Variants in SNX6 observed in about 807,000 individuals in gnomAD.
SNX6 encodes sorting nexin 6.
In SNX6, 34 loss-of-function variants were observed where a neutral mutation model predicts 63.0. That is an observed-to-expected ratio of 0.54 (90% CI 0.41 to 0.72). The LOEUF (loss-of-function observed/expected upper bound fraction) is 0.72. SNX6 is among the 30% of genes least tolerant of loss of function. SNX6 has a pLI of 0.00. For synonymous variants in SNX6, 170 were observed against 164.2 expected (o/e 1.04, Z -0.27); for missense variants, 398 against 471.4 (o/e 0.84, Z 1.44).
chr14:34,563,760 ATGGAGTATCACTCTGTTGCCCAGAC>A (rs1484498393), intron 13 of SNX6, among the ~76,000 whole-genome samples: 1 of 149,878 alleles, frequency 6.7e-6, no homozygotes, highest in African/African-American at 2.5e-5. Context: ...TTTTTCTGAG[ATGGAGTATCACTCTGTTGCCCAGAC>A]TGGAGTGCAA....
intron 1 of SNX6, 64 bp downstream of exon 1, chr14:34,630,047 C>T (rs1005794134): frequency 8.1e-5 from 117 of 1,438,564 alleles, no homozygotes; most frequent in Non-Finnish European, 1.0e-4. Flanking sequence ...GCGGTCCCCG[C>T]GCCCGCCCCG....
rs1348057271 is a variant in SNX6, at chr14:34,593,052, G to A, written c.711C>T (p.Ser237=). ...GCCACAGAAAAATCTTACTTTTGTGGGATCTTGTCATTCTATCAGATTTAG... is the reference window on the plus strand; with the variant it reads ...GCCACAGAAAAATCTTACTTTTGTGAGATCTTGTCATTCTATCAGATTTAG... ...ASAKSDRMTR[S]HKSAADDYNR... is the part of the protein sequence containing the mutation. The change falls in exon 8 of 14, where the codon TCC becomes TCT. Residue 237 remains serine (S), a synonymous_variant. Transcript: ENST00000362031. The A allele has an allele frequency of 3.8e-6, 6 of 1,587,576 alleles. No homozygotes were observed. The highest frequency in any genetic ancestry group is 5.1e-6 in the Non-Finnish European group (6 of 1,166,806).
chr14:34,574,122 G>C (rs1881579459), intron 11 of SNX6, among the ~76,000 whole-genome samples: 1 of 151,424 alleles, frequency 6.6e-6, no homozygotes, highest in African/African-American at 2.4e-5. Context: ...GGGATCACGG[G>C]GTCAGGAGTT....
intron 2 of SNX6, among the ~76,000 whole-genome samples, chr14:34,625,264 C>T (rs1883783943): frequency 6.6e-6 from 1 of 152,114 alleles, no homozygotes; most frequent in African/African-American, 2.4e-5. Flanking sequence ...ACTAAAAATG[C>T]AATGCCTAAA....
At chr14:34,607,389 C>T (rs1212491039) in intron 4 of SNX6, among the ~76,000 whole-genome samples, 4 of 151,762 alleles carry the variant, frequency 2.6e-5, no homozygotes, top group African/African-American at 9.7e-5. Flanking sequence ...GGGGAATCAC[C>T]TGAGGTCAGG....
At chr14:34,576,691 C>T (rs1411280482) in intron 10 of SNX6, among the ~76,000 whole-genome samples, 1 of 151,722 alleles carries the variant, frequency 6.6e-6, no homozygotes, top group African/African-American at 2.4e-5. Flanking sequence ...TCAAATGATC[C>T]TCCTGCCTCA....
At chr14:34,621,956 T>C (rs897924053) in intron 2 of SNX6, among the ~76,000 whole-genome samples, 2 of 138,990 alleles carry the variant, frequency 1.4e-5, no homozygotes, top group African/African-American at 5.4e-5. Context: ...CTTTCCTTTT[T>C]TTTTTTTTTT....
At chr14:34,579,951 G>A (rs139853100) in intron 10 of SNX6, among the ~76,000 whole-genome samples, 3,390 of 152,234 alleles carry the variant, frequency 0.022, 56 homozygotes, top group Middle Eastern at 0.058. Context: ...TTGGGAGGCC[G>A]AGGCAGGCAG....
chr14:34,574,805 G>A (rs1470621843), intron 11 of SNX6, among the ~76,000 whole-genome samples: 2 of 150,764 alleles, frequency 1.3e-5, no homozygotes, highest in South Asian at 2.1e-4. Context: ...TGATCCACCC[G>A]CCTCGGCCTC....
chr14:34,605,950 G>A (rs1372893211), intron 4 of SNX6, among the ~76,000 whole-genome samples: 1 of 151,796 alleles, frequency 6.6e-6, no homozygotes, highest in Non-Finnish European at 1.5e-5. Flanking sequence ...GAGGTGGGCG[G>A]ATCACCTGAG....
chr14:34,587,006 C>G (rs1460458942), intron 8 of SNX6, among the ~76,000 whole-genome samples: 1 of 47,522 alleles, frequency 2.1e-5, no homozygotes, highest in African/African-American at 8.0e-5. Context: ...AAGACTCTGT[C>G]TCAAAAAAAA....
chr14:34,606,267 CACG>C (rs538347309), intron 4 of SNX6, among the ~76,000 whole-genome samples: 54 of 149,354 alleles, frequency 3.6e-4, no homozygotes, highest in African/African-American at 1.0e-3. Flanking sequence ...ATTATAAGCG[CACG>C]ACACCACGCC....
At chr14:34,576,605 C>T (rs1162667109) in intron 10 of SNX6, among the ~76,000 whole-genome samples, 2 of 151,598 alleles carry the variant, frequency 1.3e-5, no homozygotes, top group East Asian at 2.0e-4. Flanking sequence ...TGCACTGCCA[C>T]GCCTGGCTAA....
At chr14:34,589,615 C>T (rs988380949) in intron 8 of SNX6, among the ~76,000 whole-genome samples, 4 of 151,720 alleles carry the variant, frequency 2.6e-5, no homozygotes, top group Admixed American at 2.0e-4. Context: ...CACTTCAAAC[C>T]TGGAGTTCGA....
rs527495042 is a variant in SNX6 at position 34,592,986 on chromosome 14, T to C, written c.718+59A>G. The C allele has an allele frequency of 4.2e-5, 50 of 1,202,824 alleles. No individual in the cohort carries two copies. In the East Asian group the frequency reaches 1.2e-3, roughly 29 times the overall value. 74.5% of individuals were successfully genotyped at this position (1,202,824 alleles called of 1,614,324 possible). A position where few individuals can be genotyped will look rare whatever the true frequency, so the allele number is the denominator to read the frequency against. On this transcript the variant is annotated intron_variant, in intron 8 of 13. Transcript: ENST00000362031. ...ATATTAAGACTTTTTCAAACTATAATATGAACTTTATAATTATTCCATTAA... is the reference window on the plus strand; with the variant it reads ...ATATTAAGACTTTTTCAAACTATAACATGAACTTTATAATTATTCCATTAA...
At chr14:34,565,603 G>A (rs564188527) in intron 13 of SNX6, among the ~76,000 whole-genome samples, 3 of 152,102 alleles carry the variant, frequency 2.0e-5, no homozygotes, top group South Asian at 2.1e-4. Context: ...GGCAACCTCC[G>A]CCTCCCGGGT....
chr14:34,625,416 A>G (rs1421535586), intron 2 of SNX6, among the ~76,000 whole-genome samples: 1 of 152,130 alleles, frequency 6.6e-6, no homozygotes, highest in East Asian at 1.9e-4. Flanking sequence ...GCACAAACAG[A>G]AACTCCTTGG....
intron 2 of SNX6, among the ~76,000 whole-genome samples, chr14:34,612,106 CTT>C (rs963255698): frequency 6.6e-6 from 1 of 151,624 alleles, no homozygotes; most frequent in Admixed American, 6.6e-5. Flanking sequence ...CACATTCAGG[CTT>C]TTTGTTTTTT....
rs1297447920 is a variant in SNX6, at chr14:34,581,614, T to C, written c.795-14A>G. 2.1e-6 allele frequency: 3 copies of C among 1,449,708 alleles called. No homozygotes were observed. Among genetic ancestry groups the C allele is most frequent in the East Asian group, 4.6e-5 (2 of 43,490 alleles). The allele number at this position is 1,449,708 out of a possible 1,614,324, so 89.8% of individuals were successfully genotyped here. ...TTGAGAAAAAACCTGGAAAGGAAAA[T>C]ATTTTCATCATATTCTACATTCAAA... On this transcript the variant is annotated splice_polypyrimidine_tract_variant and intron_variant, in intron 9 of 13. Transcript: ENST00000362031.
Sources: gnomAD v4.1 joint callset for allele counts (sites outside exome capture counted in the v4.1 genomes callset) on GRCh38, gnomAD v4.1.1 for gene constraint, MANE v1.5 for transcripts, NCBI Gene and HGNC (gene_info 2026-07-23, HGNC 2026-07-21) for gene names.